GALNTL6: variants seen among roughly 807,000 people sequenced by gnomAD.
GALNTL6 encodes the protein polypeptide N-acetylgalactosaminyltransferase like 6, also known as polypeptide N-acetylgalactosaminyltransferase-like 6.
A neutral mutation model predicts 73.7 loss-of-function variants in GALNTL6; 46 were observed. That is an observed-to-expected ratio of 0.62 (90% CI 0.49 to 0.80). GALNTL6 has a LOEUF of 0.80. GALNTL6 is among the 30% of genes least tolerant of loss of function. The pLI is 0.00. For synonymous variants in GALNTL6, 259 were observed against 263.7 expected (o/e 0.98, Z 0.17); for missense variants, 604 against 755.0 (o/e 0.80, Z 2.34).
intron 11 of GALNTL6, among the ~76,000 whole-genome samples, chr4:173,012,933 T>C (rs531334104): frequency 1.2e-4 from 19 of 152,074 alleles, no homozygotes; most frequent in African/African-American, 4.6e-4. Context: ...AGGTCAGGAG[T>C]TCGAGACCAG....
chr4:172,270,595 A>G (rs1487322499), intron 3 of GALNTL6, among the ~76,000 whole-genome samples: 1 of 152,118 alleles, frequency 6.6e-6, no homozygotes, highest in Non-Finnish European at 1.5e-5. Context: ...AACCTGGGAC[A>G]AGCACTTTCG....
intron 2 of GALNTL6, among the ~76,000 whole-genome samples, chr4:171,922,535 A>T (rs200926973): frequency 1.1e-4 from 17 of 149,944 alleles, no homozygotes; most frequent in Non-Finnish European, 2.1e-4. Context: ...TATTGTGTGT[A>T]TTTTTTTTTT....
intron 8 of GALNTL6, among the ~76,000 whole-genome samples, chr4:172,919,820 T>C (rs1001178952): frequency 3.9e-5 from 6 of 152,216 alleles, no homozygotes; most frequent in African/African-American, 1.4e-4. Flanking sequence ...AGAAGCACTC[T>C]TCAGATGTTC....
At chr4:172,030,412 G>T (rs1312916718) in intron 2 of GALNTL6, among the ~76,000 whole-genome samples, 1 of 151,952 alleles carries the variant, frequency 6.6e-6, no homozygotes, top group Non-Finnish European at 1.5e-5. Flanking sequence ...TAGTAAAAGA[G>T]TTTCAAATAT....
At chr4:172,573,489 A>G (rs1187274399) in intron 5 of GALNTL6, among the ~76,000 whole-genome samples, 1 of 152,192 alleles carries the variant, frequency 6.6e-6, no homozygotes, top group East Asian at 1.9e-4. Flanking sequence ...TGAATTTCTC[A>G]CTCCCAAGGA....
chr4:171,953,292 G>T (rs1738946179), intron 2 of GALNTL6, among the ~76,000 whole-genome samples: 2 of 150,946 alleles, frequency 1.3e-5, no homozygotes, highest in African/African-American at 2.4e-5. Context: ...GAAGAGCCAA[G>T]ATACAGAAGG....
At chr4:172,238,671 C>CT (rs1374343488) in intron 3 of GALNTL6, among the ~76,000 whole-genome samples, 2 of 152,082 alleles carry the variant, frequency 1.3e-5, no homozygotes, top group Non-Finnish European at 2.9e-5. Context: ...GTATACTTAT[C>CT]TTGTGCCAGT....
At chr4:172,240,658 T>C (rs1737393314) in intron 3 of GALNTL6, among the ~76,000 whole-genome samples, 1 of 152,248 alleles carries the variant, frequency 6.6e-6, no homozygotes, top group South Asian at 2.1e-4. Context: ...AATTGTATTA[T>C]AAAATTCTTG....
chr4:172,207,391 A>G (rs1736171529), intron 2 of GALNTL6, among the ~76,000 whole-genome samples: 1 of 152,170 alleles, frequency 6.6e-6, no homozygotes, highest in Non-Finnish European at 1.5e-5. Context: ...GAGAGACAGT[A>G]AAGGAGCAAG....
At chr4:172,356,258 T>G (rs1742150372) in intron 5 of GALNTL6, among the ~76,000 whole-genome samples, 1 of 152,210 alleles carries the variant, frequency 6.6e-6, no homozygotes, top group Non-Finnish European at 1.5e-5. Flanking sequence ...GAAACCATTT[T>G]ATGCATGTTG....
intron 2 of GALNTL6, among the ~76,000 whole-genome samples, chr4:172,224,195 T>A (rs1355368514): frequency 2.0e-5 from 3 of 152,190 alleles, no homozygotes; most frequent in Non-Finnish European, 4.4e-5. Context: ...TACTTTATCA[T>A]ATATAAGATT....
At chr4:171,987,581 T>G (rs1166648593) in intron 2 of GALNTL6, among the ~76,000 whole-genome samples, 2 of 152,134 alleles carry the variant, frequency 1.3e-5, no homozygotes, top group African/African-American at 4.8e-5. Flanking sequence ...CCGAGCTTGA[T>G]GTGTAGGGAA....
intron 3 of GALNTL6, among the ~76,000 whole-genome samples, chr4:172,280,764 A>C (rs1249430734): frequency 6.6e-6 from 1 of 152,162 alleles, no homozygotes; most frequent in Non-Finnish European, 1.5e-5. Flanking sequence ...AACTGAAAAC[A>C]AAACTATGTA....
chr4:172,261,125 T>C (rs1186346211), intron 3 of GALNTL6, among the ~76,000 whole-genome samples: 1 of 151,504 alleles, frequency 6.6e-6, no homozygotes, highest in African/African-American at 2.4e-5. Flanking sequence ...CTTCATATAA[T>C]GAATTAGACT....
chr4:172,642,482 G>A (rs1405550208), intron 5 of GALNTL6, among the ~76,000 whole-genome samples: 1 of 151,806 alleles, frequency 6.6e-6, no homozygotes, highest in African/African-American at 2.4e-5. Context: ...GGTGTAGAGA[G>A]ACAAATACTA....
At chr4:172,763,112 G>T (rs561393201) in intron 5 of GALNTL6, among the ~76,000 whole-genome samples, 1 of 151,852 alleles carries the variant, frequency 6.6e-6, no homozygotes, top group South Asian at 2.1e-4. Flanking sequence ...ACACAGGAGC[G>T]GTACTAAGGG....
chr4:172,174,884 A>C lies in GALNTL6; in HGVS notation c.139-54772A>C, dbSNP rs964170936. Reference sequence around the variant, plus strand: ...ATAGGTACACAAATATTGCATATACATTTAGATGACACATACATAAATATT... The same window carrying C: ...ATAGGTACACAAATATTGCATATACCTTTAGATGACACATACATAAATATT... On this transcript the variant is annotated intron_variant, in intron 2 of 12. Transcript: ENST00000506823. Among the ~76,000 whole-genome samples the C allele has an allele frequency of 2.0e-5, 3 of 152,324 alleles. No individual in the cohort carries two copies. The East Asian group carries it at 5.8e-4, about 29-fold the overall frequency.
chr4:172,167,976 A>AG (rs1734685970), intron 2 of GALNTL6, among the ~76,000 whole-genome samples: 1 of 151,894 alleles, frequency 6.6e-6, no homozygotes, highest in Non-Finnish European at 1.5e-5. Context: ...AAAAAAAAAA[A>AG]AAAAAAAAAG....
intron 5 of GALNTL6, among the ~76,000 whole-genome samples, chr4:172,767,165 G>C (rs945272406): frequency 6.6e-6 from 1 of 152,188 alleles, no homozygotes; most frequent in Non-Finnish European, 1.5e-5. Flanking sequence ...GTCTTTCAAC[G>C]TATTATTTGT....
Sources: allele counts gnomAD v4.1 joint callset (sites outside exome capture counted in the v4.1 genomes callset), GRCh38; gene constraint gnomAD v4.1.1; transcripts MANE v1.5; gene names NCBI Gene and HGNC (gene_info 2026-07-23, HGNC 2026-07-21).